CACNA1D: variants seen among roughly 807,000 people sequenced by gnomAD.
CACNA1D encodes calcium voltage-gated channel subunit alpha1 D.
A neutral mutation model predicts 257.1 loss-of-function variants in CACNA1D; 55 were observed. That is an observed-to-expected ratio of 0.21 (90% CI 0.17 to 0.27). CACNA1D has a LOEUF of 0.27. Among genes scored for constraint, CACNA1D ranks in the 10% least tolerant of loss-of-function variants. The pLI is 1.00. For missense variants in CACNA1D, 1,876 were observed against 2,784.0 expected, an observed-to-expected ratio of 0.67 and a Z score of 7.34; for synonymous variants, 980 against 1,014.9, an observed-to-expected ratio of 0.97 and a Z score of 0.65.
intron 7 of CACNA1D, among the ~76,000 whole-genome samples, chr3:53,671,644 A>G (rs1024109023): frequency 3.3e-5 from 5 of 152,236 alleles, no homozygotes; most frequent in Non-Finnish European, 5.9e-5. Flanking sequence ...TATGAGTTCT[A>G]TTAAGCACAT....
At chr3:53,625,537 C>G (rs1033352804) in intron 3 of CACNA1D, among the ~76,000 whole-genome samples, 3 of 152,154 alleles carry the variant, frequency 2.0e-5, no homozygotes, top group Non-Finnish European at 2.9e-5. Context: ...ATGTGCTCTT[C>G]TGGGATTTGG....
chr3:53,513,029 A>G (rs2091184559), intron 3 of CACNA1D, among the ~76,000 whole-genome samples: 1 of 152,244 alleles, frequency 6.6e-6, no homozygotes, highest in Non-Finnish European at 1.5e-5. Context: ...GGCAGGAGAG[A>G]ATCAGCAGAG....
At chr3:53,696,926 G>T (rs1240020132) in intron 8 of CACNA1D, among the ~76,000 whole-genome samples, 4 of 125,782 alleles carry the variant, frequency 3.2e-5, no homozygotes, top group Non-Finnish European at 4.9e-5. Context: ...GCCACCAGGG[G>T]GAAGTCTGGG....
intron 30 of CACNA1D, among the ~76,000 whole-genome samples, chr3:53,765,190 C>A (rs929536524): frequency 6.6e-6 from 1 of 152,198 alleles, no homozygotes; most frequent in African/African-American, 2.4e-5. Context: ...GACAGTGGGA[C>A]TGTTGGTTCT....
rs546081973 is a variant in CACNA1D at position 53,501,380 on chromosome 3, C to G, written c.378-235C>G. On this transcript the variant is annotated intron_variant, in intron 2 of 47. Coordinates refer to ENST00000350061, the MANE Select transcript of CACNA1D (RefSeq NM_001128840.3). ...AGCCGAAGAATGAGTGTAACATGAT[C>G]CTTGCAACAGAAGAAAAGGACACGG... Among the ~76,000 whole-genome samples, 5 of 152,298 alleles carry G rather than the reference C, an allele frequency of 3.3e-5. No individual in the cohort carries two copies. In the East Asian group the frequency reaches 9.6e-4, roughly 29 times the overall value.
intron 9 of CACNA1D, among the ~76,000 whole-genome samples, chr3:53,711,567 C>G (rs1224899987): frequency 1.3e-5 from 2 of 152,158 alleles, no homozygotes; most frequent in African/African-American, 4.8e-5. Context: ...TCACCTGACT[C>G]TGGGGAAAGT....
At chr3:53,791,155 C>G in intron 40 of CACNA1D, 1 of 643,598 alleles carries the variant, frequency 1.6e-6, no homozygotes, top group Non-Finnish European at 2.8e-6. Flanking sequence ...CCCAGGGAGA[C>G]CCCTTCCAAG....
chr3:53,769,610 C>T (rs1053038324), intron 30 of CACNA1D, among the ~76,000 whole-genome samples: 7 of 152,320 alleles, frequency 4.6e-5, no homozygotes, highest in African/African-American at 7.2e-5. Context: ...TGCTGCAGAG[C>T]GGTTAGTTCC....
intron 3 of CACNA1D, among the ~76,000 whole-genome samples, chr3:53,636,919 T>C (rs1168921153): frequency 6.6e-6 from 1 of 152,384 alleles, no homozygotes; most frequent in Non-Finnish European, 1.5e-5. Context: ...GTGACTTGTG[T>C]CACTGATCTG....
At chr3:53,776,806 A>G in intron 36 of CACNA1D, 54 bp from the exon 37 acceptor site, 1 of 1,613,318 alleles carries the variant, frequency 6.2e-7, no homozygotes, top group Non-Finnish European at 8.5e-7. Context: ...AGTGGACTGA[A>G]AGTTCGGGCC....
intron 38 of CACNA1D, among the ~76,000 whole-genome samples, chr3:53,780,418 C>T (rs1205007592): frequency 2.0e-5 from 3 of 152,218 alleles, no homozygotes; most frequent in Non-Finnish European, 2.9e-5. Context: ...GGAGCAGAGA[C>T]GAAGCCATCA....
chr3:53,751,325 A>AG lies in CACNA1D; in HGVS notation c.3517-422dup, dbSNP rs1217544383. ...GGCCTCCTTTCCTGGAGGACAGCAC[A>AG]GGCAGGGGAACTATAGGTGTGATCC... On this transcript the variant is annotated intron_variant, in intron 27 of 47. Transcript: ENST00000350061. The surrounding 1 kb of genome is among the most constrained non-coding windows in gnomAD (Gnocchi z 4.3). 6.6e-6 allele frequency among the ~76,000 whole-genome samples: 1 copy of AG among 152,234 alleles called. No individual in the cohort carries two copies. The highest frequency in any genetic ancestry group is 1.5e-5 in the Non-Finnish European group (1 of 68,038).
At chr3:53,511,352 G>A (rs190319154) in intron 3 of CACNA1D, among the ~76,000 whole-genome samples, 1 of 152,190 alleles carries the variant, frequency 6.6e-6, no homozygotes, top group Non-Finnish European at 1.5e-5. Flanking sequence ...TCCCAGCAGC[G>A]GCGGCGAAAA....
chr3:53,741,570 C>T (rs890464114), intron 21 of CACNA1D, among the ~76,000 whole-genome samples: 1 of 152,114 alleles, frequency 6.6e-6, no homozygotes, highest in Non-Finnish European at 1.5e-5. Context: ...GTTCATTTTC[C>T]TGCCTTTAAG....
intron 40 of CACNA1D, among the ~76,000 whole-genome samples, chr3:53,797,205 A>G (rs1293798528): frequency 6.6e-6 from 1 of 152,174 alleles, no homozygotes; most frequent in Non-Finnish European, 1.5e-5. Context: ...TTTTAGCTTG[A>G]TATGTGTGCT....
intron 29 of CACNA1D, among the ~76,000 whole-genome samples, chr3:53,757,158 A>G (rs1381730169): frequency 1.3e-5 from 2 of 151,944 alleles, no homozygotes; most frequent in Non-Finnish European, 2.9e-5. Context: ...GCAAGAGTAG[A>G]GCTTCTTCAT....
chr3:53,509,429 C>G (rs563341462), intron 3 of CACNA1D, among the ~76,000 whole-genome samples: 3 of 152,192 alleles, frequency 2.0e-5, no homozygotes, highest in Non-Finnish European at 4.4e-5. Context: ...GGGCCCCAGA[C>G]ACTGCCTGGG....
At chr3:53,647,569 T>A (rs539124068) in intron 3 of CACNA1D, among the ~76,000 whole-genome samples, 4 of 152,372 alleles carry the variant, frequency 2.6e-5, no homozygotes, top group African/African-American at 9.6e-5. Context: ...CCACCTTGCC[T>A]GTTAGGAACC....
chr3:53,675,665 C>T (rs540500924), intron 8 of CACNA1D, among the ~76,000 whole-genome samples: 9 of 152,220 alleles, frequency 5.9e-5, no homozygotes, highest in East Asian at 3.9e-4. Flanking sequence ...CCTGCAACTC[C>T]GTGGGAGGTA....
Sources: gnomAD v4.1 joint callset for allele counts (sites outside exome capture counted in the v4.1 genomes callset) on GRCh38, gnomAD v4.1.1 for gene constraint, Gnocchi (gnomAD v3.1) non-coding constraint, MANE v1.5 for transcripts, NCBI Gene and HGNC (gene_info 2026-07-23, HGNC 2026-07-21) for gene names.